GLP1R: variants seen among roughly 807,000 people sequenced by gnomAD.
The protein encoded by GLP1R is glucagon-like peptide 1 receptor.
Under a neutral mutation model 68.4 loss-of-function variants are expected in GLP1R, and 32 were observed. The ratio of observed to expected loss-of-function variants is 0.47; its 90% confidence interval spans 0.35 to 0.63. GLP1R has a LOEUF of 0.63. GLP1R is among the 20% of genes least tolerant of loss of function. The pLI, the probability that GLP1R is intolerant of heterozygous loss-of-function variation, is 0.00. For missense variants in GLP1R, 502 were observed against 594.9 expected (o/e 0.84, Z 1.62); for synonymous variants, 263 against 244.4 (o/e 1.08, Z -0.71).
chr6:39,061,311 C>T lies in GLP1R; in HGVS notation c.283+3732C>T, dbSNP rs187393721. 5.5e-4 allele frequency among the ~76,000 whole-genome samples: 83 copies of T among 152,260 alleles called. 3 individuals carry two copies. The East Asian group carries it at 0.015, about 27-fold the overall frequency. Reference sequence around the variant, plus strand: ...GGCTTCAGAGAGCCTGTTGGCCGCCCGAGGGCCCTTCAGCAGCCTCGTTTA... The same window carrying T: ...GGCTTCAGAGAGCCTGTTGGCCGCCTGAGGGCCCTTCAGCAGCCTCGTTTA... On this transcript the variant is annotated intron_variant, in intron 3 of 12. Coordinates refer to ENST00000373256, the MANE Select transcript of GLP1R (RefSeq NM_002062.5).
chr6:39,077,084 G>A (rs1032186317), intron 7 of GLP1R, among the ~76,000 whole-genome samples: 4 of 152,102 alleles, frequency 2.6e-5, no homozygotes, highest in African/African-American at 4.8e-5. Context: ...TTAAAACAAC[G>A]AACCATTGTT....
At position 39,091,113 on chromosome 6, in the gene GLP1R, G is replaced by A. The variant is rs1769267843; in HGVS notation, c.*5040G>A. Among the ~76,000 whole-genome samples, 1 of 152,174 alleles carries A rather than the reference G, an allele frequency of 6.6e-6. No individual in the cohort carries two copies. The highest frequency in any genetic ancestry group is 2.4e-5 in the African/African-American group (1 of 41,440). On this transcript the variant is annotated 3_prime_UTR_variant, in exon 13 of 13. Coordinates refer to ENST00000373256, the MANE Select transcript of GLP1R (RefSeq NM_002062.5). ...TCTATCTTCAGTGCTCTTGGGGGAT[G>A]TTTGCTCCTCATGAGTGTTTAAACA...
intron 2 of GLP1R, 36 bp downstream of exon 2, chr6:39,056,529 C>G (rs1768219202): frequency 9.2e-7 from 1 of 1,088,718 alleles, no homozygotes. Context: ...TTAGTGCTCC[C>G]CACCCAACCA....
intron 5 of GLP1R, among the ~76,000 whole-genome samples, chr6:39,066,881 G>A (rs1054219929): frequency 3.9e-5 from 6 of 152,146 alleles, no homozygotes; most frequent in African/African-American, 1.4e-4. Flanking sequence ...TGAGACCTCA[G>A]GACACCAGGC....
rs916429294 is a variant in GLP1R, at chr6:39,089,274, A to C, written c.*3201A>C. ...GGCAATTCCAGCACTCTTTTAATGG[A>C]TTGGCTTAATTTTTTTTTCTGATGC... On this transcript the variant is annotated 3_prime_UTR_variant, in exon 13 of 13. Coordinates refer to ENST00000373256, the MANE Select transcript of GLP1R (RefSeq NM_002062.5). This position sits in a 1 kb window ranked among gnomAD's most constrained non-coding sequence, Gnocchi z 4.1. 6.6e-6 allele frequency among the ~76,000 whole-genome samples: 1 copy of C among 152,130 alleles called. No homozygotes were observed. The highest frequency in any genetic ancestry group is 1.5e-5 in the Non-Finnish European group (1 of 68,038).
At chr6:39,073,040 T>C in intron 6 of GLP1R, 25 bp downstream of exon 6, 1 of 1,604,496 alleles carries the variant, frequency 6.2e-7, no homozygotes, top group Non-Finnish European at 8.5e-7. Context: ...CAGGACCGCC[T>C]CAGGAGGGAT....
At chr6:39,062,899 A>G (rs1349913160) in intron 3 of GLP1R, among the ~76,000 whole-genome samples, 1 of 152,232 alleles carries the variant, frequency 6.6e-6, no homozygotes, top group Non-Finnish European at 1.5e-5. Context: ...TCAGGTGTAC[A>G]GTAGGTGTTC....
chr6:39,052,272 A>G (rs1169236879), intron 1 of GLP1R, among the ~76,000 whole-genome samples: 1 of 152,046 alleles, frequency 6.6e-6, no homozygotes, highest in Non-Finnish European at 1.5e-5. Context: ...GAAAAAAAAG[A>G]AAGAAAGAAA....
intron 7 of GLP1R, among the ~76,000 whole-genome samples, chr6:39,075,490 A>C (rs1034684226): frequency 6.6e-6 from 1 of 152,178 alleles, no homozygotes. Context: ...ACACTGCCCT[A>C]GAGGTCTCTG....
At chr6:39,056,303 C>T (rs1393363117) in intron 1 of GLP1R, 94 bp from the exon 2 acceptor site, 1 of 656,220 alleles carries the variant, frequency 1.5e-6, no homozygotes, top group Non-Finnish European at 2.7e-6. Context: ...TTTGAGGTTT[C>T]ATGGAGATTG....
intron 7 of GLP1R, among the ~76,000 whole-genome samples, chr6:39,074,820 C>A (rs10305485): frequency 4.9e-4 from 74 of 152,340 alleles, no homozygotes; most frequent in African/African-American, 1.7e-3. Flanking sequence ...CTTCAGGAAG[C>A]TGCCTCAGGC....
chr6:39,078,074 A>G (rs576599157), intron 7 of GLP1R, among the ~76,000 whole-genome samples: 14 of 151,646 alleles, frequency 9.2e-5, no homozygotes, highest in Non-Finnish European at 2.1e-4. Context: ...TGTGCCTGGC[A>G]CACAGGAGGT....
chr6:39,070,069 C>T (rs186555121), intron 5 of GLP1R, among the ~76,000 whole-genome samples: 1 of 152,120 alleles, frequency 6.6e-6, no homozygotes, highest in African/African-American at 2.4e-5. Context: ...AAAAAGGGCT[C>T]ACAAACTCAC....
chr6:39,085,772 C>A, intron 12 of GLP1R, 134 bp from the exon 13 acceptor site: 1 of 785,038 alleles, frequency 1.3e-6, no homozygotes, highest in Non-Finnish European at 2.1e-6. Flanking sequence ...ATTTAGGAGC[C>A]CGAAGGCCTT....
intron 3 of GLP1R, among the ~76,000 whole-genome samples, chr6:39,063,140 C>G (rs1309915782): frequency 6.6e-6 from 1 of 152,190 alleles, no homozygotes; most frequent in Non-Finnish European, 1.5e-5. Flanking sequence ...GGTCCCTCAA[C>G]CTTCTTCCTT....
At chr6:39,062,139 G>A (rs1402525299) in intron 3 of GLP1R, among the ~76,000 whole-genome samples, 7 of 152,208 alleles carry the variant, frequency 4.6e-5, no homozygotes, top group Admixed American at 4.6e-4. Context: ...GATTACAGGC[G>A]CCGCAGCAGC....
At position 39,089,388 on chromosome 6, in the gene GLP1R, T is replaced by C. The variant is rs1050167341; in HGVS notation, c.*3315T>C. 6.6e-6 allele frequency among the ~76,000 whole-genome samples: 1 copy of C among 152,172 alleles called. No individual in the cohort carries two copies. The highest frequency in any genetic ancestry group is 2.4e-5 in the African/African-American group (1 of 41,440). ...GTCTTGAACCTCCCCTTTACCTCTT[T>C]AGAACCTCTGAATTTGGAGACAGCT... is the stretch of plus-strand genomic sequence containing the variant. On this transcript the variant is annotated 3_prime_UTR_variant, in exon 13 of 13. Transcript: ENST00000373256. The surrounding 1 kb of genome is among the most constrained non-coding windows in gnomAD (Gnocchi z 4.1).
chr6:39,073,720 G>A lies in GLP1R; in HGVS notation c.774G>A (p.Ser258=), dbSNP rs200132876. The A allele has an allele frequency of 2.2e-5, 36 of 1,613,986 alleles. No homozygotes were observed. Among genetic ancestry groups the A allele is most frequent in the Non-Finnish European group, 2.8e-5 (33 of 1,179,896 alleles). ...GVYLYTLLAF[S]VLSEQWIFRL... is the part of the protein sequence containing the mutation. Reference sequence around the variant, plus strand: ...ACCTGTACACACTGCTGGCCTTCTCGGTCTTATCTGAGCAATGGATCTTCA... The same window carrying A: ...ACCTGTACACACTGCTGGCCTTCTCAGTCTTATCTGAGCAATGGATCTTCA... Residue 258 remains serine (S), a synonymous_variant, in exon 7 of 13, where the codon TCG becomes TCA. Coordinates refer to ENST00000373256, the MANE Select transcript of GLP1R (RefSeq NM_002062.5).
chr6:39,057,946 C>T (rs1041281757), intron 3 of GLP1R, among the ~76,000 whole-genome samples: 9 of 152,202 alleles, frequency 5.9e-5, no homozygotes, highest in African/African-American at 1.9e-4. Flanking sequence ...GGCGCTGCTT[C>T]CTTTCCTCTG....
Sources: gnomAD v4.1 joint callset for allele counts (sites outside exome capture counted in the v4.1 genomes callset) on GRCh38, gnomAD v4.1.1 for gene constraint, Gnocchi (gnomAD v3.1) non-coding constraint, MANE v1.5 for transcripts, NCBI Gene and HGNC (gene_info 2026-07-23, HGNC 2026-07-21) for gene names.